The following PARD3B variants were observed in gnomAD, a reference collection of about 807,000 sequenced individuals.
The protein encoded by PARD3B is par-3 family cell polarity regulator beta, also known as partitioning defective 3 homolog B.
In PARD3B, 103 loss-of-function variants were observed where a neutral mutation model predicts 130.2. The observed-to-expected ratio is 0.79, with a 90% CI of 0.67 to 0.93. The LOEUF (loss-of-function observed/expected upper bound fraction) is 0.93. Ranked by LOEUF, PARD3B falls within the 40% of genes least tolerant of loss-of-function variation. PARD3B has a pLI of 0.00. For synonymous variants in PARD3B, 583 were observed against 553.2 expected (o/e 1.05, Z -0.76); for missense variants, 1,609 against 1,499.2 (o/e 1.07, Z -1.21).
chr2:204,619,947 T>C (rs143645199), intron 1 of PARD3B, among the ~76,000 whole-genome samples: 2 of 152,276 alleles, frequency 1.3e-5, no homozygotes, highest in African/African-American at 4.8e-5. Flanking sequence ...AAGCTCCATC[T>C]CCACATAGCC....
intron 1 of PARD3B, among the ~76,000 whole-genome samples, chr2:204,648,235 C>A (rs1257550742): frequency 2.6e-5 from 4 of 151,192 alleles, no homozygotes; most frequent in African/African-American, 9.7e-5. Context: ...TTCTTTGTGA[C>A]CATAATCTAT....
At chr2:205,430,034 G>A (rs1300612266) in intron 19 of PARD3B, among the ~76,000 whole-genome samples, 1 of 152,150 alleles carries the variant, frequency 6.6e-6, no homozygotes, top group African/African-American at 2.4e-5. Flanking sequence ...CAGATGTAGA[G>A]CCTATATGGA....
At chr2:205,415,716 G>T (rs1265523744) in intron 19 of PARD3B, among the ~76,000 whole-genome samples, 1 of 152,006 alleles carries the variant, frequency 6.6e-6, no homozygotes, top group Non-Finnish European at 1.5e-5. Context: ...GCTTGACTGT[G>T]CCTCAATTCA....
intron 3 of PARD3B, among the ~76,000 whole-genome samples, chr2:205,018,622 A>C (rs1696340036): frequency 6.7e-6 from 1 of 149,768 alleles, no homozygotes; most frequent in African/African-American, 2.5e-5. Context: ...ATGTACCAAA[A>C]TTTGCCTCAT....
At chr2:204,695,069 A>G (rs2037545687) in intron 2 of PARD3B, among the ~76,000 whole-genome samples, 1 of 152,056 alleles carries the variant, frequency 6.6e-6, no homozygotes, top group Non-Finnish European at 1.5e-5. Flanking sequence ...TGAGATCACA[A>G]TAATGCTTTA....
rs1214610179 is a variant in PARD3B at position 205,421,418 on chromosome 2, G to T, written c.2742-18952G>T. Among the ~76,000 whole-genome samples, 1 of 152,084 alleles carries T rather than the reference G, an allele frequency of 6.6e-6. No individual in the cohort carries two copies. The highest frequency in any genetic ancestry group is 2.4e-5 in the African/African-American group (1 of 41,422). On this transcript the variant is annotated intron_variant, in intron 19 of 22. Coordinates refer to ENST00000406610, the MANE Select transcript of PARD3B (RefSeq NM_001302769.2). The surrounding 1 kb of genome is among the most constrained non-coding windows in gnomAD (Gnocchi z 5.1). ...TGGGTTTCCTCTCCTGTGTTCCACT[G>T]TATTCCATTTTTAATCTCCTCAAGA...
chr2:205,565,058 C>G (rs570301027), intron 22 of PARD3B, among the ~76,000 whole-genome samples: 1 of 152,164 alleles, frequency 6.6e-6, no homozygotes, highest in Non-Finnish European at 1.5e-5. Flanking sequence ...CATTAGTACC[C>G]TTTCAACTTG....
chr2:204,953,728 G>A (rs192615072), intron 2 of PARD3B, among the ~76,000 whole-genome samples: 6 of 152,288 alleles, frequency 3.9e-5, no homozygotes, highest in Admixed American at 3.3e-4. Context: ...AATGGTCACA[G>A]CAACCTAGAT....
chr2:205,247,008 A>T (rs2039602067), intron 16 of PARD3B, among the ~76,000 whole-genome samples: 1 of 152,158 alleles, frequency 6.6e-6, no homozygotes, highest in South Asian at 2.1e-4. Flanking sequence ...TGACCAGGGA[A>T]CCCCAAGGAT....
intron 1 of PARD3B, among the ~76,000 whole-genome samples, chr2:204,674,236 A>G (rs767139253): frequency 1.1e-4 from 17 of 152,194 alleles, no homozygotes; most frequent in Admixed American, 2.0e-4. Flanking sequence ...GATATTGATA[A>G]TTTATGATAC....
At chr2:205,318,753 G>A (rs1366793340) in intron 18 of PARD3B, among the ~76,000 whole-genome samples, 2 of 151,942 alleles carry the variant, frequency 1.3e-5, no homozygotes, top group African/African-American at 4.8e-5. Context: ...TCATCCCCTG[G>A]GCTGATCAAA....
intron 22 of PARD3B, among the ~76,000 whole-genome samples, chr2:205,605,129 G>A (rs992810555): frequency 6.6e-6 from 1 of 152,108 alleles, no homozygotes; most frequent in South Asian, 2.1e-4. Context: ...ATGGTTCTTA[G>A]CTTCTTTGCA....
Position 205,525,556 on chromosome 2 carries a change from A to T in PARD3B, c.3180+25525A>T, listed in dbSNP as rs2051299545. ...AAAACAAAGTTCCTGCTATAAACATAGGGGTATTGGTTGCATGACTTTATT... is the reference window on the plus strand; with the variant it reads ...AAAACAAAGTTCCTGCTATAAACATTGGGGTATTGGTTGCATGACTTTATT... On this transcript the variant is annotated intron_variant, in intron 21 of 22. Coordinates refer to ENST00000406610, the MANE Select transcript of PARD3B (RefSeq NM_001302769.2). This position sits in a 1 kb window ranked among gnomAD's most constrained non-coding sequence, Gnocchi z 4.2. Among the ~76,000 whole-genome samples, 1 of 152,206 alleles carries T rather than the reference A, an allele frequency of 6.6e-6. No homozygotes were observed. Among genetic ancestry groups the T allele is most frequent in the South Asian group, 2.1e-4 (1 of 4,830 alleles).
chr2:205,414,406 A>G (rs2046705076), intron 19 of PARD3B, among the ~76,000 whole-genome samples: 1 of 152,176 alleles, frequency 6.6e-6, no homozygotes, highest in Non-Finnish European at 1.5e-5. Flanking sequence ...ACAGCATTAA[A>G]TTTTGAGTAA....
intron 2 of PARD3B, among the ~76,000 whole-genome samples, chr2:204,831,569 G>A (rs2043822432): frequency 6.6e-6 from 1 of 152,164 alleles, no homozygotes; most frequent in Admixed American, 6.5e-5. Context: ...CATGAGAACT[G>A]AGTTTGGTTA....
Position 204,808,131 on chromosome 2 carries a change from AT to A in PARD3B, c.222+121851del, listed in dbSNP as rs370680905. Among the ~76,000 whole-genome samples the A allele has an allele frequency of 2.2e-4, 33 of 152,004 alleles. 2 individuals carry two copies. The highest frequency in any genetic ancestry group is 7.2e-4 in the African/African-American group (30 of 41,468). On this transcript the variant is annotated intron_variant, in intron 2 of 22. Coordinates refer to ENST00000406610, the MANE Select transcript of PARD3B (RefSeq NM_001302769.2). The stretch of plus-strand genomic sequence containing the variant: ...AAAAATTTAAAAATTAAAGATAGAG[AT>A]TATATTCGATATTTCTACAAGAAAT...
At chr2:205,286,891 A>G (rs2041415766) in intron 16 of PARD3B, among the ~76,000 whole-genome samples, 1 of 152,166 alleles carries the variant, frequency 6.6e-6, no homozygotes, top group African/African-American at 2.4e-5. Flanking sequence ...AAGCCATTCT[A>G]TTTTTCTAAA....
intron 19 of PARD3B, among the ~76,000 whole-genome samples, chr2:205,402,233 A>G (rs2106017731): frequency 6.6e-6 from 1 of 152,348 alleles, no homozygotes; most frequent in East Asian, 1.9e-4. Context: ...AAGGAAATCA[A>G]GTGTTTTACA....
At chr2:205,388,294 A>G (rs994837826) in intron 18 of PARD3B, among the ~76,000 whole-genome samples, 3 of 152,238 alleles carry the variant, frequency 2.0e-5, no homozygotes, top group African/African-American at 7.2e-5. Flanking sequence ...GGAATTACTC[A>G]TCTGTGGTAT....
Sources: allele counts gnomAD v4.1 joint callset (sites outside exome capture counted in the v4.1 genomes callset), GRCh38; gene constraint gnomAD v4.1.1; non-coding constraint Gnocchi (gnomAD v3.1); transcripts MANE v1.5; gene names NCBI Gene and HGNC (gene_info 2026-07-23, HGNC 2026-07-21).